The following MIDEAS variants were observed in gnomAD, a reference collection of about 807,000 sequenced individuals.
MIDEAS encodes the protein mitotic deacetylase associated SANT domain protein.
Under a neutral mutation model 102.7 loss-of-function variants are expected in MIDEAS, and 26 were observed. That is an observed-to-expected ratio of 0.25 (90% CI 0.19 to 0.35). MIDEAS has a LOEUF of 0.35. Among genes scored for constraint, MIDEAS ranks in the 10% least tolerant of loss-of-function variants. The pLI is 1.00. For missense variants in MIDEAS, 1,231 were observed against 1,435.6 expected, an observed-to-expected ratio of 0.86 and a Z score of 2.30; for synonymous variants, 585 against 591.0, an observed-to-expected ratio of 0.99 and a Z score of 0.15.
intron 1 of MIDEAS, among the ~76,000 whole-genome samples, chr14:73,756,433 G>A (rs1025743372): frequency 1.3e-5 from 2 of 152,126 alleles, no homozygotes; most frequent in African/African-American, 2.4e-5. Flanking sequence ...ATGTTGCTTC[G>A]AATGCAAATG....
chr14:73,732,199 G>C (rs901422735), intron 3 of MIDEAS, among the ~76,000 whole-genome samples: 4 of 147,950 alleles, frequency 2.7e-5, no homozygotes, highest in Admixed American at 6.7e-5. Flanking sequence ...AGAGAGCAGA[G>C]ACTGTGACGC....
At chr14:73,775,486 A>T (rs2053681358) in intron 1 of MIDEAS, among the ~76,000 whole-genome samples, 1 of 152,032 alleles carries the variant, frequency 6.6e-6, no homozygotes, top group Admixed American at 6.6e-5. Context: ...AGGAACTAGG[A>T]AGGCCCCTGC....
At chr14:73,721,168 G>A in intron 11 of MIDEAS, 129 bp downstream of exon 11, 1 of 861,180 alleles carries the variant, frequency 1.2e-6, no homozygotes. Flanking sequence ...ACAGCACAAA[G>A]TACTTCACAC....
rs564783790 is a variant in MIDEAS, at chr14:73,776,839, G to A, written c.-248+10263C>T. 3.9e-5 allele frequency among the ~76,000 whole-genome samples: 6 copies of A among 152,070 alleles called. 1 individual carries two copies. Among genetic ancestry groups the A allele is most frequent in the Admixed American group, 1.3e-4 (2 of 15,270 alleles). On this transcript the variant is annotated intron_variant, in intron 1 of 11. Coordinates refer to the MIDEAS transcript ENST00000394071. ...TGTAACCCCTGCACTTTGGGAGGCC[G>A]AGGCGGGTGGATCACAAGGTCAGGA...
intron 1 of MIDEAS, among the ~76,000 whole-genome samples, chr14:73,767,423 T>A (rs191162637): frequency 4.6e-5 from 7 of 151,870 alleles, no homozygotes; most frequent in Admixed American, 6.6e-5. Context: ...TTGTGCTTGA[T>A]GCCAGGAGTT....
chr14:73,763,394 T>A (rs1025232909), upstream of MIDEAS, among the ~76,000 whole-genome samples: 2 of 152,142 alleles, frequency 1.3e-5, no homozygotes, highest in Non-Finnish European at 2.9e-5. Flanking sequence ...TATATCTCAA[T>A]AAAGCTGTTA....
chr14:73,738,975 C>T lies in MIDEAS; in HGVS notation c.1034G>A (p.Arg345His), dbSNP rs938666507. The T allele has an allele frequency of 7.8e-6, 12 of 1,530,848 alleles. No homozygotes were observed. The highest frequency in any genetic ancestry group is 2.8e-5 in the African/African-American group (2 of 72,218). The allele number at this position is 1,530,848 out of a possible 1,614,324, so 94.8% of individuals were successfully genotyped here. A position where few individuals can be genotyped will look rare whatever the true frequency, so the allele number is the denominator to read the frequency against. The part of the protein sequence containing the change: ...LPQVQIPFPR[R>H]SRRLSKEGIL... ...ACCCTCCTTAGAGAGGCGGCGGGAG[C>T]GGCGGGGGAAGGGGATCTGGACCTG... Residue 345 changes from arginine to histidine, a missense_variant, in exon 2 of 13, where the codon CGC becomes CAC. By Grantham distance (29) the Arg-to-His change is conservative (BLOSUM62 0). This residue lies in a region of MIDEAS where 758 missense variants were observed against 856.0 expected (regional missense o/e 0.89). Coordinates refer to ENST00000423556, the MANE Select transcript of MIDEAS (RefSeq NM_001367710.1).
chr14:73,760,598 C>T (rs574984064), upstream of MIDEAS, among the ~76,000 whole-genome samples: 1 of 152,350 alleles, frequency 6.6e-6, no homozygotes, highest in South Asian at 2.1e-4. The surrounding 1 kb of genome is among the most constrained non-coding windows in gnomAD (Gnocchi z 4.8). Flanking sequence ...GTGTGTGATG[C>T]TGGGGAAGGC....
chr14:73,769,396 C>T (rs1334444274), intron 1 of MIDEAS, among the ~76,000 whole-genome samples: 1 of 152,204 alleles, frequency 6.6e-6, no homozygotes, highest in Non-Finnish European at 1.5e-5. Flanking sequence ...GAAAAACCTA[C>T]ATCAGCAGCA....
intron 1 of MIDEAS, among the ~76,000 whole-genome samples, chr14:73,752,334 G>C (rs2053430477): frequency 6.6e-6 from 1 of 152,076 alleles, no homozygotes; most frequent in South Asian, 2.1e-4. Context: ...AGCACCCCTA[G>C]ACCTGGCATT....
At chr14:73,785,134 C>T (rs1357023575) in intron 1 of MIDEAS, among the ~76,000 whole-genome samples, 1 of 152,242 alleles carries the variant, frequency 6.6e-6, no homozygotes, top group Admixed American at 6.5e-5. Context: ...GGGCTGAGTG[C>T]TCCCCATGAG....
Position 73,718,903 on chromosome 14 carries a change from G to A in MIDEAS, c.3240C>T (p.Ala1080=), listed in dbSNP as rs762534747. 6.3e-4 allele frequency: 960 copies of A among 1,519,656 alleles called. No individual in the cohort carries two copies. Among genetic ancestry groups the A allele is most frequent in the Non-Finnish European group, 7.6e-4 (865 of 1,140,582 alleles). 94.1% of individuals were successfully genotyped at this position (1,519,656 alleles called of 1,614,324 possible). ...GGGCCTGCTGGTGGGCGGCGGCGGC[G>A]GCAGCAGCGGCCTCTTTCTCCTTCA... ...LRLKEKEAAA[A]AAAAHQQALR... is the part of the protein sequence containing the mutation. Residue 1080 remains alanine, a synonymous_variant, in exon 13 of 13, where the codon GCC becomes GCT. Transcript: ENST00000423556.
chr14:73,779,664 G>A (rs1162285586), intron 1 of MIDEAS, among the ~76,000 whole-genome samples: 2 of 134,980 alleles, frequency 1.5e-5, no homozygotes, highest in Non-Finnish European at 3.1e-5. Context: ...TGCAAGCTCC[G>A]CTTCCCGGGT....
chr14:73,764,158 G>A (rs1437317924), upstream of MIDEAS, among the ~76,000 whole-genome samples: 1 of 151,812 alleles, frequency 6.6e-6, no homozygotes, highest in Non-Finnish European at 1.5e-5. Context: ...TGGCTAACAT[G>A]GTAAAACCCT....
chr14:73,769,092 C>T (rs952868311), intron 1 of MIDEAS, among the ~76,000 whole-genome samples: 2 of 152,226 alleles, frequency 1.3e-5, no homozygotes, highest in Non-Finnish European at 2.9e-5. Flanking sequence ...CTCTAACAGC[C>T]TGTGGCTCCT....
upstream of MIDEAS, chr14:73,790,097 T>C (rs1361045000): frequency 6.6e-6 from 1 of 152,218 alleles, no homozygotes; most frequent in African/African-American, 2.4e-5. Flanking sequence ...GTGGACTATC[T>C]CTGATAAGGA....
chr14:73,719,228 T>TCCCCTCCCCCCCCCCCCCCC, intron 12 of MIDEAS, 77 bp downstream of exon 12: 1 of 645,574 alleles, frequency 1.5e-6, no homozygotes. Flanking sequence ...CTCTTCCCCC[T>TCCCCTCCCCCCCCCCCCCCC]CCCCTCCACC....
Position 73,725,977 on chromosome 14 carries a change from G to T in MIDEAS, c.2485+56C>A. On this transcript the variant is annotated intron_variant, in intron 8 of 12. Transcript: ENST00000423556. The surrounding 1 kb of genome is among the most constrained non-coding windows in gnomAD (Gnocchi z 4.1). Reference sequence around the variant, plus strand: ...GACTCAGCACTGAGCAGGGCCCCATGGATGCTGGAGACCTCTTGAGGCTCC... The same window carrying T: ...GACTCAGCACTGAGCAGGGCCCCATTGATGCTGGAGACCTCTTGAGGCTCC... The T allele has an allele frequency of 1.4e-6, 2 of 1,437,134 alleles. No homozygotes were observed. Among genetic ancestry groups the T allele is most frequent in the Non-Finnish European group, 1.9e-6 (2 of 1,041,398 alleles). 89.0% of individuals were successfully genotyped at this position (1,437,134 alleles called of 1,614,324 possible).
chr14:73,789,969 G>C (rs1428402921), upstream of MIDEAS: 1 of 152,278 alleles, frequency 6.6e-6, no homozygotes, highest in Non-Finnish European at 1.5e-5. Context: ...CCTAGAAGGA[G>C]AGTTGGCAAG....
Sources: allele counts gnomAD v4.1 joint callset (sites outside exome capture counted in the v4.1 genomes callset), GRCh38; gene constraint gnomAD v4.1.1; regional missense constraint gnomAD v4.1.1; non-coding constraint Gnocchi (gnomAD v3.1); transcripts MANE v1.5; gene names NCBI Gene and HGNC (gene_info 2026-07-23, HGNC 2026-07-21).